SPSB1: variants seen among roughly 807,000 people sequenced by gnomAD.
SPSB1 encodes SPRY domain-containing SOCS box protein 1.
SPSB1 carries 8 observed loss-of-function variants against 21.2 expected under a neutral mutation model. The ratio of observed to expected loss-of-function variants is 0.38; its 90% CI spans 0.22 to 0.68. SPSB1 has a LOEUF of 0.68. Among genes scored for constraint, SPSB1 ranks in the 30% least tolerant of loss-of-function variants. The pLI is 0.53. For synonymous variants in SPSB1, 169 were observed against 161.7 expected, an observed-to-expected ratio of 1.05 and a Z score of -0.34; for missense variants, 242 against 377.8, an observed-to-expected ratio of 0.64 and a Z score of 2.98.
rs78908140 is a variant in SPSB1, at chr1:9,348,347, C to T, written c.-149-7396C>T. ...TGTGCCTTGCATAATGAAAGCAAAC[C>T]GTGGCTGTATCCAGAAGGCGCTCTC... On this transcript the variant is annotated intron_variant, in intron 1 of 2. Transcript: ENST00000328089. This position sits in a 1 kb window ranked among gnomAD's most constrained non-coding sequence, Gnocchi z 4.8. Among the ~76,000 whole-genome samples, 6 of 151,926 alleles carry T rather than the reference C, an allele frequency of 3.9e-5. No individual in the cohort carries two copies. The highest frequency in any genetic ancestry group is 1.2e-4 in the African/African-American group (5 of 41,376).
chr1:9,352,834 C>T (rs1430928540), intron 1 of SPSB1, among the ~76,000 whole-genome samples: 1 of 150,582 alleles, frequency 6.6e-6, no homozygotes, highest in Non-Finnish European at 1.5e-5. Context: ...CCCACCCTCC[C>T]CTCCCTCCCC....
intron 2 of SPSB1, among the ~76,000 whole-genome samples, chr1:9,364,123 G>A (rs1405231556): frequency 6.6e-6 from 1 of 152,242 alleles, no homozygotes; most frequent in Non-Finnish European, 1.5e-5. Context: ...GTGGCTCTTG[G>A]AGCTTTCTCA....
At chr1:9,350,384 A>G (rs1294988954) in intron 1 of SPSB1, among the ~76,000 whole-genome samples, 1 of 152,210 alleles carries the variant, frequency 6.6e-6, no homozygotes, top group Non-Finnish European at 1.5e-5. Context: ...TGTGCAGAGG[A>G]GGAGGCAGGC....
At chr1:9,349,662 C>T (rs1640219423) in intron 1 of SPSB1, among the ~76,000 whole-genome samples, 1 of 152,236 alleles carries the variant, frequency 6.6e-6, no homozygotes, top group South Asian at 2.1e-4. Flanking sequence ...ACACAATCCG[C>T]CACCAGCATC....
In SPSB1 at chr1:9,293,234, G is replaced by A. The variant is rs1418067485; in HGVS notation, c.-150+163G>A. Among the ~76,000 whole-genome samples the A allele has an allele frequency of 6.7e-6, 1 of 149,304 alleles. No homozygotes were observed. Among genetic ancestry groups the A allele is most frequent in the East Asian group, 2.0e-4 (1 of 5,110 alleles). On this transcript the variant is annotated intron_variant, in intron 1 of 2. Transcript: ENST00000328089. This position sits in a 1 kb window ranked among gnomAD's most constrained non-coding sequence, Gnocchi z 5.1. Reference sequence around the variant, plus strand: ...GGGAGCGGGTGGAGTACGGGATGGGGACTCGGGGCGCGGCCCCTCCCGCGG... The same window carrying A: ...GGGAGCGGGTGGAGTACGGGATGGGAACTCGGGGCGCGGCCCCTCCCGCGG...
chr1:9,360,560 G>A (rs1640454482), intron 2 of SPSB1, among the ~76,000 whole-genome samples: 1 of 152,168 alleles, frequency 6.6e-6, no homozygotes, highest in Non-Finnish European at 1.5e-5. Flanking sequence ...CTGAGGGGGA[G>A]CCCGCCCCAT....
chr1:9,339,188 G>A (rs1034403376), intron 1 of SPSB1: 3 of 983,122 alleles, frequency 3.1e-6, no homozygotes, highest in East Asian at 1.1e-4. Flanking sequence ...TCCCCCCAGC[G>A]GTGAGGACCT....
At chr1:9,303,174 A>C (rs1342739469) in intron 1 of SPSB1, among the ~76,000 whole-genome samples, 3 of 152,150 alleles carry the variant, frequency 2.0e-5, no homozygotes, top group Non-Finnish European at 2.9e-5. Context: ...GTGTGTCTGG[A>C]GTACAGGATA....
chr1:9,318,617 C>A (rs893421320), intron 1 of SPSB1, among the ~76,000 whole-genome samples: 1 of 152,238 alleles, frequency 6.6e-6, no homozygotes, highest in Admixed American at 6.5e-5. Flanking sequence ...GTGAGACTTA[C>A]CTTGCGGAAT....
At chr1:9,344,318 C>T (rs989595816) in intron 1 of SPSB1, among the ~76,000 whole-genome samples, 1 of 152,186 alleles carries the variant, frequency 6.6e-6, no homozygotes, top group East Asian at 1.9e-4. Context: ...TCCCAGGTGA[C>T]GCTGACTGAT....
chr1:9,313,064 T>A (rs969830033), intron 1 of SPSB1, among the ~76,000 whole-genome samples: 1 of 152,328 alleles, frequency 6.6e-6, no homozygotes, highest in Admixed American at 6.5e-5. Flanking sequence ...CCCTGTGGAA[T>A]GGGGATTACC....
intron 1 of SPSB1, among the ~76,000 whole-genome samples, chr1:9,307,751 T>C (rs1639443711): frequency 1.3e-5 from 2 of 152,250 alleles, no homozygotes; most frequent in South Asian, 4.1e-4. Context: ...CTTATTTGTA[T>C]CTTTTCCCGT....
At chr1:9,322,044 G>A (rs545257746) in intron 1 of SPSB1, among the ~76,000 whole-genome samples, 16 of 152,272 alleles carry the variant, frequency 1.1e-4, no homozygotes, top group Non-Finnish European at 2.2e-4. Flanking sequence ...ACACTGGGCA[G>A]GTGATGTAAA....
Position 9,367,686 on chromosome 1 carries a change from C to A in SPSB1, c.*111C>A. ...TTGGACCGGCATCCGTAGCCATGGACAGAGGTCCCTGGTCTTCCCTCATCC... is the reference window on the plus strand; with the variant it reads ...TTGGACCGGCATCCGTAGCCATGGAAAGAGGTCCCTGGTCTTCCCTCATCC... On this transcript the variant is annotated 3_prime_UTR_variant, in exon 3 of 3. Transcript: ENST00000328089. This position sits in a 1 kb window ranked among gnomAD's most constrained non-coding sequence, Gnocchi z 5.9. 1 of 1,442,768 alleles carries A rather than the reference C, an allele frequency of 6.9e-7. No individual in the cohort carries two copies. The highest frequency in any genetic ancestry group is 9.2e-7 in the Non-Finnish European group (1 of 1,090,300). 89.4% of individuals were successfully genotyped at this position (1,442,768 alleles called of 1,614,324 possible).
chr1:9,359,208 C>T (rs1183683210), intron 2 of SPSB1, among the ~76,000 whole-genome samples: 1 of 152,174 alleles, frequency 6.6e-6, no homozygotes, highest in Non-Finnish European at 1.5e-5. Flanking sequence ...GCCACGTGGT[C>T]AGTTGACTTT....
chr1:9,368,075 A>C lies in SPSB1; in HGVS notation c.*500A>C, dbSNP rs76910624. The C allele has an allele frequency of 1.8e-4, 30 of 163,104 alleles. No homozygotes were observed. The East Asian group carries it at 5.4e-3, about 29-fold the overall frequency. 10.1% of individuals were successfully genotyped at this position (163,104 alleles called of 1,614,324 possible). On this transcript the variant is annotated 3_prime_UTR_variant, in exon 3 of 3. Coordinates refer to ENST00000328089, the MANE Select transcript of SPSB1 (RefSeq NM_025106.4). ...GGCCATGCCATGGCAGATAAAGCTC[A>C]GGACGTCAAAAACTCACCATGGACC... is the stretch of plus-strand genomic sequence containing the variant.
chr1:9,347,615 A>G (rs926708943), intron 1 of SPSB1, among the ~76,000 whole-genome samples: 2 of 152,228 alleles, frequency 1.3e-5, no homozygotes, highest in Non-Finnish European at 2.9e-5. Context: ...TTTGCTTTAC[A>G]AATGCGACAG....
intron 2 of SPSB1, among the ~76,000 whole-genome samples, chr1:9,361,157 T>C (rs2077018): frequency 0.37 from 6,316 of 17,300 alleles, 1,312 homozygotes; most frequent in East Asian, 0.73. Flanking sequence ...TGTCATTTTC[T>C]TTTTTTTTTT....
intron 1 of SPSB1, among the ~76,000 whole-genome samples, chr1:9,343,268 T>C (rs1640117876): frequency 2.0e-5 from 3 of 152,210 alleles, no homozygotes; most frequent in Non-Finnish European, 2.9e-5. Context: ...CCCATCCCCC[T>C]GCTTCCTGGC....
Sources: gnomAD v4.1 joint callset for allele counts (sites outside exome capture counted in the v4.1 genomes callset) on GRCh38, gnomAD v4.1.1 for gene constraint, Gnocchi (gnomAD v3.1) non-coding constraint, MANE v1.5 for transcripts, NCBI Gene and HGNC (gene_info 2026-07-23, HGNC 2026-07-21) for gene names.